KCNT2: variants seen among roughly 807,000 people sequenced by gnomAD.
KCNT2 encodes the protein potassium sodium-activated channel subfamily T member 2, also known as potassium channel subfamily T member 2.
In KCNT2, 67 loss-of-function variants were observed where a neutral mutation model predicts 153.8. That is an observed-to-expected ratio of 0.44 (90% CI 0.36 to 0.53). The LOEUF (loss-of-function observed/expected upper bound fraction) is 0.53. Among genes scored for constraint, KCNT2 ranks in the 20% least tolerant of loss-of-function variants. The pLI is 0.00. For synonymous variants in KCNT2, 500 were observed against 458.8 expected, an observed-to-expected ratio of 1.09 and a Z score of -1.15; for missense variants, 975 against 1,354.8, an observed-to-expected ratio of 0.72 and a Z score of 4.40.
chr1:196,232,410 CTAT>C (rs1170806631), intron 27 of KCNT2, among the ~76,000 whole-genome samples: 2 of 151,600 alleles, frequency 1.3e-5, no homozygotes, highest in African/African-American at 4.8e-5. Context: ...GTTCCTTTTC[CTAT>C]TATTGTCACT....
At position 196,226,013 on chromosome 1, in the gene KCNT2, C is replaced by T. The variant is rs1653464494; in HGVS notation, c.*2211G>A. ...AATAACAGAAAGACTAATAAATTAT[C>T]ATTATTGTAGCAAGCTGGTATGAAC... On this transcript the variant is annotated 3_prime_UTR_variant, in exon 28 of 28. Coordinates refer to ENST00000294725, the MANE Select transcript of KCNT2 (RefSeq NM_198503.5). The T allele has an allele frequency of 6.6e-6, 1 of 151,954 alleles. No individual in the cohort carries two copies. The highest frequency in any genetic ancestry group is 6.6e-5 in the Admixed American group (1 of 15,260). The allele number at this position is 151,954 out of a possible 1,614,324, so 9.4% of individuals were successfully genotyped here.
intron 1 of KCNT2, among the ~76,000 whole-genome samples, chr1:196,496,750 C>T (rs1205073181): frequency 6.6e-6 from 1 of 152,162 alleles, no homozygotes; most frequent in African/African-American, 2.4e-5. Flanking sequence ...AGGATCCCAC[C>T]TGGACGGGAC....
intron 27 of KCNT2, 79 bp from the exon 28 acceptor site, chr1:196,228,414 CTAATTTATT>C (rs1653659633): frequency 5.5e-6 from 4 of 731,920 alleles, no homozygotes; most frequent in Admixed American, 5.3e-5. Context: ...CTTCATATTT[CTAATTTATT>C]TGTTCAGTTT....
At chr1:196,299,935 C>T (rs536093558) in intron 22 of KCNT2, among the ~76,000 whole-genome samples, 4 of 152,148 alleles carry the variant, frequency 2.6e-5, no homozygotes, top group African/African-American at 4.8e-5. Flanking sequence ...ATAATGAAAT[C>T]GTGTTATTTG....
chr1:196,481,620 A>G (rs1221975669), intron 4 of KCNT2, among the ~76,000 whole-genome samples: 1 of 152,218 alleles, frequency 6.6e-6, no homozygotes, highest in East Asian at 1.9e-4. Context: ...TTTAAAAGCA[A>G]CAGAAAATAA....
Position 196,581,862 on chromosome 1 carries a change from A to T in KCNT2, c.95+26353T>A, listed in dbSNP as rs566736467. Among the ~76,000 whole-genome samples, 68 of 152,220 alleles carry T rather than the reference A, an allele frequency of 4.5e-4. 1 individual carries two copies. Among genetic ancestry groups the T allele is most frequent in the Non-Finnish European group, 8.2e-4 (56 of 67,988 alleles). Reference sequence around the variant, plus strand: ...TGTTCTCCTATTTAAATTATAGTAGATGTGTACAACATGAATAGACAGATG... The same window carrying T: ...TGTTCTCCTATTTAAATTATAGTAGTTGTGTACAACATGAATAGACAGATG... On this transcript the variant is annotated intron_variant, in intron 1 of 27. Transcript: ENST00000294725.
At chr1:196,440,392 C>T (rs1372955655) in intron 8 of KCNT2, among the ~76,000 whole-genome samples, 1 of 151,952 alleles carries the variant, frequency 6.6e-6, no homozygotes, top group Non-Finnish European at 1.5e-5. Flanking sequence ...TATCAAATGA[C>T]ATTTCACTTT....
At chr1:196,463,500 T>A (rs1677337323) in intron 8 of KCNT2, among the ~76,000 whole-genome samples, 1 of 151,744 alleles carries the variant, frequency 6.6e-6, no homozygotes, top group African/African-American at 2.4e-5. Context: ...AACTTAATGT[T>A]ATGTAATTAT....
At chr1:196,243,980 G>A (rs1435757524) in intron 26 of KCNT2, among the ~76,000 whole-genome samples, 3 of 151,946 alleles carry the variant, frequency 2.0e-5, no homozygotes. Context: ...AGGACTTTGT[G>A]TTGCAACTTG....
intron 1 of KCNT2, among the ~76,000 whole-genome samples, chr1:196,526,457 T>TTTGG (rs1654223652): frequency 6.6e-6 from 1 of 151,504 alleles, no homozygotes; most frequent in African/African-American, 2.4e-5. Context: ...AGGTTTTTTG[T>TTTGG]TTGGTTTTTT....
intron 1 of KCNT2, among the ~76,000 whole-genome samples, chr1:196,500,579 G>A (rs922055270): frequency 1.3e-5 from 2 of 152,152 alleles, no homozygotes; most frequent in Non-Finnish European, 2.9e-5. Flanking sequence ...GTTTGTTAAG[G>A]TCTGCCCTGT....
chr1:196,319,767 G>T (rs1572024758), intron 19 of KCNT2, among the ~76,000 whole-genome samples: 2 of 151,730 alleles, frequency 1.3e-5, no homozygotes, highest in Middle Eastern at 6.8e-3. Flanking sequence ...ATAAAAACAA[G>T]TTGTATTTCA....
intron 8 of KCNT2, among the ~76,000 whole-genome samples, chr1:196,462,026 C>A (rs1339947): frequency 0.13 from 19,676 of 151,554 alleles, 1,888 homozygotes; most frequent in African/African-American, 0.26. Context: ...GTACATATTA[C>A]AAGTTCTGAT....
At chr1:196,564,211 T>C (rs937961775) in intron 1 of KCNT2, among the ~76,000 whole-genome samples, 1 of 151,776 alleles carries the variant, frequency 6.6e-6, no homozygotes, top group Non-Finnish European at 1.5e-5. Context: ...GTAGGATTTC[T>C]ACACACTAAC....
intron 27 of KCNT2, among the ~76,000 whole-genome samples, chr1:196,231,028 T>C (rs1653903145): frequency 1.3e-5 from 2 of 151,898 alleles, no homozygotes; most frequent in Admixed American, 1.3e-4. Flanking sequence ...CATTGTTGTC[T>C]GATTTTAAGA....
intron 1 of KCNT2, among the ~76,000 whole-genome samples, chr1:196,550,615 T>C (rs563006084): frequency 6.6e-6 from 1 of 151,988 alleles, no homozygotes; most frequent in Non-Finnish European, 1.5e-5. Context: ...ATTTTATCCA[T>C]GTACAAATGG....
At chr1:196,493,006 CAAT>C (rs1184395031) in intron 1 of KCNT2, among the ~76,000 whole-genome samples, 5 of 152,120 alleles carry the variant, frequency 3.3e-5, no homozygotes, top group African/African-American at 1.2e-4. Flanking sequence ...ATCCACTATA[CAAT>C]AATATCAACA....
At chr1:196,368,720 A>G (rs980119598) in intron 14 of KCNT2, among the ~76,000 whole-genome samples, 1 of 152,112 alleles carries the variant, frequency 6.6e-6, no homozygotes, top group Admixed American at 6.6e-5. Flanking sequence ...TCTATTTCCT[A>G]GAATTAATAA....
chr1:196,490,490 A>AAT (rs969073247), intron 2 of KCNT2, among the ~76,000 whole-genome samples: 4 of 147,990 alleles, frequency 2.7e-5, no homozygotes, highest in Non-Finnish European at 6.0e-5. Flanking sequence ...ATTATATAAT[A>AAT]ATATATATTA....
Sources: allele counts gnomAD v4.1 joint callset (sites outside exome capture counted in the v4.1 genomes callset), GRCh38; gene constraint gnomAD v4.1.1; transcripts MANE v1.5; gene names NCBI Gene and HGNC (gene_info 2026-07-23, HGNC 2026-07-21).